The following SLC14A2 variants were observed in gnomAD, a reference collection of about 807,000 sequenced individuals.
SLC14A2 encodes urea transporter 2.
A neutral mutation model predicts 104.6 loss-of-function variants in SLC14A2; 91 were observed. The ratio of observed to expected loss-of-function variants is 0.87; its 90% CI spans 0.73 to 1.04. SLC14A2 has a LOEUF of 1.04. SLC14A2 is among the 50% of genes least tolerant of loss of function. The pLI, the probability that SLC14A2 is intolerant of heterozygous loss-of-function variation, is 0.00. For synonymous variants in SLC14A2, 476 were observed against 466.4 expected (o/e 1.02, Z -0.27); for missense variants, 1,189 against 1,156.0 (o/e 1.03, Z -0.41).
chr18:45,388,145 G>A (rs112631826), intron 1 of SLC14A2, among the ~76,000 whole-genome samples: 6 of 136,500 alleles, frequency 4.4e-5, no homozygotes, highest in Admixed American at 8.8e-5. Context: ...GCGAGATCTC[G>A]GCTCACTGCA....
chr18:45,475,664 T>TTTAGG lies in SLC14A2; in HGVS notation c.-124-7569_-124-7568insTTAGG, dbSNP rs1309375804. Among the ~76,000 whole-genome samples the TTTAGG allele has an allele frequency of 2.9e-4, 31 of 108,554 alleles. 1 individual carries two copies. Among genetic ancestry groups the TTTAGG allele is most frequent in the East Asian group, 2.7e-3 (10 of 3,662 alleles). The allele number at this position is 108,554 out of a possible 152,430, so 71.2% of individuals were successfully genotyped here. A position where few individuals can be genotyped will look rare whatever the true frequency, so the allele number is the denominator to read the frequency against. On this transcript the variant is annotated intron_variant, in intron 1 of 20. Transcript: ENST00000586448. ...TAGGATATATATATATATATATATA[T>TTTAGG]ATATATATATATATATATATATATG... is the stretch of plus-strand genomic sequence containing the variant.
At chr18:45,363,956 C>G (rs188318445) in intron 1 of SLC14A2, among the ~76,000 whole-genome samples, 212 of 152,278 alleles carry the variant, frequency 1.4e-3, no homozygotes, top group African/African-American at 4.6e-3. Flanking sequence ...AGAATGGCCT[C>G]CTTCAGCATT....
chr18:45,208,018 C>T (rs1421043726), upstream of SLC14A2, among the ~76,000 whole-genome samples: 1 of 152,160 alleles, frequency 6.6e-6, no homozygotes, highest in Non-Finnish European at 1.5e-5. Flanking sequence ...AGCCATAAAA[C>T]TGGGACCCAA....
chr18:45,294,986 A>G (rs1039643620), intron 1 of SLC14A2, among the ~76,000 whole-genome samples: 1 of 152,260 alleles, frequency 6.6e-6, no homozygotes, highest in African/African-American at 2.4e-5. Flanking sequence ...TTAATGAACC[A>G]TGATACTTAT....
chr18:45,593,486 C>CTTTTTTTTTTTTTTTTTTTTTT (rs1172271684), intron 2 of SLC14A2, among the ~76,000 whole-genome samples: 1 of 88,788 alleles, frequency 1.1e-5, no homozygotes, highest in African/African-American at 4.7e-5. Flanking sequence ...TTTCCTTAAT[C>CTTTTTTTTTTTTTTTTTTTTTT]TTTTTTTTTT....
At chr18:45,252,911 A>G (rs919236585) in intron 1 of SLC14A2, among the ~76,000 whole-genome samples, 1 of 151,502 alleles carries the variant, frequency 6.6e-6, no homozygotes. Context: ...TCCTCCCATC[A>G]TGTTTTTAAA....
At chr18:45,387,690 G>A (rs548975381) in intron 1 of SLC14A2, among the ~76,000 whole-genome samples, 22 of 152,256 alleles carry the variant, frequency 1.4e-4, no homozygotes, top group Non-Finnish European at 1.9e-4. Flanking sequence ...GGACAGGGTC[G>A]AACTTTATTT....
intron 4 of SLC14A2, among the ~76,000 whole-genome samples, chr18:45,629,328 C>G (rs1350916266): frequency 6.6e-6 from 1 of 152,186 alleles, no homozygotes; most frequent in Non-Finnish European, 1.5e-5. Flanking sequence ...CTGAATTCTT[C>G]TGAATGCAGA....
the SLC14A2 span, among the ~76,000 whole-genome samples, chr18:45,194,372 A>G: frequency 6.6e-6 from 1 of 152,210 alleles, no homozygotes; most frequent in East Asian, 1.9e-4. Context: ...GTCCTCTTCT[A>G]TTCCTAATTT....
chr18:45,521,458 CCA>C (rs2043516119), intron 2 of SLC14A2, among the ~76,000 whole-genome samples: 1 of 151,666 alleles, frequency 6.6e-6, no homozygotes, highest in African/African-American at 2.4e-5. Context: ...AGCTCAGGGA[CCA>C]GAGAGAGTAA....
chr18:45,320,700 T>A (rs569952803), intron 1 of SLC14A2, among the ~76,000 whole-genome samples: 127 of 152,336 alleles, frequency 8.3e-4, no homozygotes, highest in African/African-American at 2.9e-3. Context: ...TTCAGCCACA[T>A]TCCATTGCTT....
At chr18:45,293,882 C>T (rs1475824269) in intron 1 of SLC14A2, among the ~76,000 whole-genome samples, 1 of 152,174 alleles carries the variant, frequency 6.6e-6, no homozygotes, top group African/African-American at 2.4e-5. Context: ...TATTAGTTAT[C>T]TTTTATACAT....
intron 2 of SLC14A2, among the ~76,000 whole-genome samples, chr18:45,557,807 C>G (rs969230096): frequency 2.0e-5 from 3 of 152,064 alleles, no homozygotes; most frequent in African/African-American, 7.2e-5. Flanking sequence ...TTTAATTAAT[C>G]CTTCCTAGAG....
At chr18:45,400,975 T>C (rs1168921579) in intron 1 of SLC14A2, among the ~76,000 whole-genome samples, 2 of 152,234 alleles carry the variant, frequency 1.3e-5, no homozygotes, top group African/African-American at 2.4e-5. Flanking sequence ...GTACTTTCTC[T>C]GCCTTAGCTC....
chr18:45,289,034 G>T (rs143896221), intron 1 of SLC14A2, among the ~76,000 whole-genome samples: 26 of 152,292 alleles, frequency 1.7e-4, no homozygotes, highest in African/African-American at 6.0e-4. Context: ...GTAATCCCAA[G>T]TCCTGAGCAA....
At chr18:45,533,483 C>T (rs1244814465) in intron 2 of SLC14A2, among the ~76,000 whole-genome samples, 3 of 151,228 alleles carry the variant, frequency 2.0e-5, no homozygotes, top group African/African-American at 7.3e-5. Context: ...AGTTGATTTG[C>T]ATAGAGGTGT....
chr18:45,375,121 A>C (rs1337772019), intron 1 of SLC14A2, among the ~76,000 whole-genome samples: 2 of 152,364 alleles, frequency 1.3e-5, no homozygotes, highest in Middle Eastern at 3.4e-3. Context: ...TGTAGACTGA[A>C]CTAACTTTGG....
In SLC14A2 at chr18:45,421,167, G is replaced by A. The variant is rs1598785895; in HGVS notation, c.-124-62066G>A. 2.0e-5 allele frequency among the ~76,000 whole-genome samples: 3 copies of A among 151,702 alleles called. 1 individual carries two copies. The South Asian group carries it at 6.2e-4, about 32-fold the overall frequency. ...TTAAAGTGAATCAAGAACCTAAAATGTATTTTATGAGCTATCTACGTGCAG... is the reference window on the plus strand; with the variant it reads ...TTAAAGTGAATCAAGAACCTAAAATATATTTTATGAGCTATCTACGTGCAG... On this transcript the variant is annotated intron_variant, in intron 1 of 20. Coordinates refer to the SLC14A2 transcript ENST00000586448.
chr18:45,670,664 T>A (rs965009885), intron 16 of SLC14A2, among the ~76,000 whole-genome samples: 2 of 152,170 alleles, frequency 1.3e-5, no homozygotes, highest in African/African-American at 4.8e-5. Flanking sequence ...TTTTGGGGTT[T>A]CTGTTTTTGT....
Sources: allele counts gnomAD v4.1 joint callset (sites outside exome capture counted in the v4.1 genomes callset), GRCh38; gene constraint gnomAD v4.1.1; transcripts MANE v1.5; gene names NCBI Gene and HGNC (gene_info 2026-07-23, HGNC 2026-07-21).